The following SOX5 variants were observed in gnomAD, a reference collection of about 807,000 sequenced individuals.
SOX5 encodes SRY-box transcription factor 5, also known as transcription factor SOX-5.
SOX5 carries 9 observed loss-of-function variants against 92.0 expected under a neutral mutation model. That is an observed-to-expected ratio of 0.10 (90% CI 0.06 to 0.17). SOX5 has a LOEUF of 0.17. Ranked by LOEUF, SOX5 falls within the 10% of genes least tolerant of loss-of-function variation. The probability of loss-of-function intolerance (pLI) is 1.00; values close to 1 mark genes in which losing one functional copy is unlikely to be tolerated. For missense variants in SOX5, 642 were observed against 944.5 expected (o/e 0.68, Z 4.20); for synonymous variants, 344 against 336.3 (o/e 1.02, Z -0.25).
At chr12:24,177,905 C>T (rs1387540284) in intron 4 of SOX5, among the ~76,000 whole-genome samples, 1 of 152,170 alleles carries the variant, frequency 6.6e-6, no homozygotes, top group Non-Finnish European at 1.5e-5. Flanking sequence ...GTGTGTGTTT[C>T]AATAGGATCC....
chr12:24,062,505 T>G (rs1939925359), intron 4 of SOX5, among the ~76,000 whole-genome samples: 1 of 152,232 alleles, frequency 6.6e-6, no homozygotes, highest in South Asian at 2.1e-4. Flanking sequence ...TACAGTGTCT[T>G]AAGCTCAAGC....
At chr12:23,603,355 G>A (rs1320769039) in intron 9 of SOX5, among the ~76,000 whole-genome samples, 1 of 150,234 alleles carries the variant, frequency 6.7e-6, no homozygotes, top group Non-Finnish European at 1.5e-5. Flanking sequence ...TTCTTACACT[G>A]TTTTGTTTTA....
intron 4 of SOX5, among the ~76,000 whole-genome samples, chr12:24,138,562 T>G (rs1327582927): frequency 6.6e-6 from 1 of 152,226 alleles, no homozygotes; most frequent in Non-Finnish European, 1.5e-5. Context: ...ACAGTGGGCA[T>G]GTATTACAGA....
At chr12:24,401,534 A>C (rs56001041) in intron 1 of SOX5, among the ~76,000 whole-genome samples, 8,672 of 151,320 alleles carry the variant, frequency 0.057, 832 homozygotes, top group African/African-American at 0.2. Context: ...ACATAGCGAG[A>C]CCTCGTCTCT....
intron 2 of SOX5, among the ~76,000 whole-genome samples, chr12:24,286,288 C>A (rs1945853336): frequency 6.6e-6 from 1 of 152,116 alleles, no homozygotes; most frequent in African/African-American, 2.4e-5. Context: ...GAGTTCCAGA[C>A]TAGTTTCAAT....
At chr12:24,258,041 C>T (rs780441478) in intron 3 of SOX5, among the ~76,000 whole-genome samples, 11 of 151,942 alleles carry the variant, frequency 7.2e-5, no homozygotes, top group Non-Finnish European at 1.2e-4. Flanking sequence ...GGCGCGGTGG[C>T]GGGCACCTGT....
At chr12:24,060,828 G>T (rs1939538457) in intron 4 of SOX5, among the ~76,000 whole-genome samples, 1 of 152,188 alleles carries the variant, frequency 6.6e-6, no homozygotes, top group African/African-American at 2.4e-5. Context: ...GACAAAGGTT[G>T]CTTAAAAATG....
chr12:24,528,319 G>C (rs1950892764), intron 1 of SOX5, among the ~76,000 whole-genome samples: 1 of 152,068 alleles, frequency 6.6e-6, no homozygotes, highest in South Asian at 2.1e-4. Context: ...TTCATGGCTG[G>C]AGGTCTTTCC....
chr12:24,242,038 T>C (rs1277837959), intron 3 of SOX5, among the ~76,000 whole-genome samples: 1 of 152,234 alleles, frequency 6.6e-6, no homozygotes, highest in Non-Finnish European at 1.5e-5. Flanking sequence ...TTCCTGTTGT[T>C]AAGACTGCAA....
At chr12:24,092,553 G>C (rs1944784735) in intron 4 of SOX5, among the ~76,000 whole-genome samples, 1 of 152,118 alleles carries the variant, frequency 6.6e-6, no homozygotes, top group Non-Finnish European at 1.5e-5. Flanking sequence ...CTCTTTGACT[G>C]GAAGAAACTG....
chr12:23,903,494 G>A (rs975341362), intron 1 of SOX5, among the ~76,000 whole-genome samples: 7 of 152,174 alleles, frequency 4.6e-5, no homozygotes, highest in Admixed American at 3.9e-4. Context: ...TGAGGTGGAG[G>A]ATTGCTTGAG....
chr12:24,464,322 A>ATT (rs1566230384), intron 1 of SOX5, among the ~76,000 whole-genome samples: 91 of 104,472 alleles, frequency 8.7e-4, no homozygotes, highest in African/African-American at 3.1e-3. Context: ...AGTGAGAGTT[A>ATT]ATTTTTTTTT....
intron 4 of SOX5, among the ~76,000 whole-genome samples, chr12:24,173,882 C>G (rs1257705792): frequency 6.6e-6 from 1 of 152,166 alleles, no homozygotes; most frequent in African/African-American, 2.4e-5. Context: ...ATCCACAAAG[C>G]AATGTTTCCC....
chr12:23,596,947 G>A (rs1255798309), intron 9 of SOX5, among the ~76,000 whole-genome samples: 2 of 152,074 alleles, frequency 1.3e-5, no homozygotes, highest in Non-Finnish European at 2.9e-5. Context: ...TTCCCTAAAC[G>A]ACTTAGGTTT....
At chr12:24,188,159 T>G (rs1053713834) in intron 4 of SOX5, among the ~76,000 whole-genome samples, 1 of 152,154 alleles carries the variant, frequency 6.6e-6, no homozygotes, top group Non-Finnish European at 1.5e-5. Flanking sequence ...TTCAAGTAAT[T>G]TGAATGCTTC....
chr12:23,761,789 A>G (rs546207454), intron 3 of SOX5, among the ~76,000 whole-genome samples: 1 of 152,188 alleles, frequency 6.6e-6, no homozygotes, highest in Non-Finnish European at 1.5e-5. Context: ...TCTGTTTTAG[A>G]ACTAAGTATT....
intron 5 of SOX5, 28 bp downstream of exon 5, chr12:23,740,839 T>TATG (rs749654734): frequency 1.9e-6 from 3 of 1,585,362 alleles, no homozygotes; most frequent in Non-Finnish European, 2.6e-6. Flanking sequence ...GTCTGAGGAA[T>TATG]ATGACTGCAT....
chr12:23,932,807 C>T (rs1324013617), intron 1 of SOX5, among the ~76,000 whole-genome samples: 1 of 151,480 alleles, frequency 6.6e-6, no homozygotes, highest in Non-Finnish European at 1.5e-5. Context: ...CTTAGATTTA[C>T]CATCATGATC....
intron 1 of SOX5, among the ~76,000 whole-genome samples, chr12:24,447,929 C>A (rs532283317): frequency 6.6e-6 from 1 of 152,218 alleles, no homozygotes; most frequent in East Asian, 1.9e-4. Flanking sequence ...TCCTGTATTT[C>A]CAGCACTTTG....
Sources: gnomAD v4.1 joint callset for allele counts (sites outside exome capture counted in the v4.1 genomes callset) on GRCh38, gnomAD v4.1.1 for gene constraint, MANE v1.5 for transcripts, NCBI Gene and HGNC (gene_info 2026-07-23, HGNC 2026-07-21) for gene names.